Variants in CTBP2 observed in about 807,000 individuals in gnomAD.
CTBP2 encodes the protein C-terminal-binding protein 2.
Under a neutral mutation model 80.3 loss-of-function variants are expected in CTBP2, and 30 were observed. The ratio of observed to expected loss-of-function variants is 0.37; its 90% CI spans 0.28 to 0.51. The LOEUF is 0.51. Ranked by LOEUF, CTBP2 falls within the 20% of genes least tolerant of loss-of-function variation. The probability of loss-of-function intolerance (pLI) is 0.93; values close to 1 mark genes in which losing one functional copy is unlikely to be tolerated. For missense variants in CTBP2, 1,212 were observed against 1,375.3 expected, an observed-to-expected ratio of 0.88 and a Z score of 1.88; for synonymous variants, 594 against 587.4, an observed-to-expected ratio of 1.01 and a Z score of -0.16.
At chr10:125,049,427 C>T (rs999352825) in intron 2 of CTBP2, among the ~76,000 whole-genome samples, 1 of 152,214 alleles carries the variant, frequency 6.6e-6, no homozygotes, top group African/African-American at 2.4e-5. Flanking sequence ...GGGGAGCCCC[C>T]ACCTGAGCTC....
chr10:125,132,029 T>C (rs780403014), intron 1 of CTBP2, among the ~76,000 whole-genome samples: 5 of 152,172 alleles, frequency 3.3e-5, no homozygotes, highest in African/African-American at 1.2e-4. Context: ...GGAAGCATTA[T>C]AGCACTCTGG....
chr10:125,039,516 T>C (rs944740930), intron 2 of CTBP2, among the ~76,000 whole-genome samples: 23 of 152,246 alleles, frequency 1.5e-4, no homozygotes, highest in Non-Finnish European at 3.2e-4. Context: ...TGACAGCCAG[T>C]TGGACCTGCC....
At position 124,986,616 on chromosome 10, in the gene CTBP2, C is replaced by T. The variant is rs1415757071; in HGVS notation, c.*2902G>A. On this transcript the variant is annotated 3_prime_UTR_variant, in exon 9 of 9. Transcript: ENST00000309035. ...ATGAATCTTTGATATAATGTAAATG[C>T]TGCTGTTTGTTTCAAGTGGTGAATG... The T allele has an allele frequency of 6.6e-6, 1 of 152,076 alleles. No homozygotes were observed. The highest frequency in any genetic ancestry group is 1.5e-5 in the Non-Finnish European group (1 of 68,016). 9.4% of individuals were successfully genotyped at this position (152,076 alleles called of 1,614,324 possible). A position where few individuals can be genotyped will look rare whatever the true frequency, so the allele number is the denominator to read the frequency against.
chr10:125,132,400 A>C (rs539878559), intron 1 of CTBP2, among the ~76,000 whole-genome samples: 1 of 152,222 alleles, frequency 6.6e-6, no homozygotes, highest in Non-Finnish European at 1.5e-5. Context: ...AGTGTCTTCA[A>C]TGAAGTCTTC....
chr10:125,107,419 G>A (rs1187956394), intron 2 of CTBP2, among the ~76,000 whole-genome samples: 7 of 148,654 alleles, frequency 4.7e-5, no homozygotes, highest in Non-Finnish European at 1.0e-4. Flanking sequence ...GCCACACACT[G>A]GGACCAGAGT....
chr10:125,026,256 G>A lies in CTBP2; in HGVS notation c.1504C>T (p.Leu502=). ...TGGGGGCTGCCGTGAGGGCTGGGCA[G>A]CGGAGAGGCGGCCACGTTGCGCTCC... The change falls in exon 1 of 9, where the codon CTG becomes TTG. Residue 502 remains leucine, a synonymous_variant. Transcript: ENST00000309035. 3 of 1,613,872 alleles carry A rather than the reference G, an allele frequency of 1.9e-6. No individual in the cohort carries two copies. Among genetic ancestry groups the A allele is most frequent in the Non-Finnish European group, 2.5e-6 (3 of 1,179,942 alleles).
At chr10:125,021,067 C>A (rs1311673436) in intron 1 of CTBP2, among the ~76,000 whole-genome samples, 1 of 152,152 alleles carries the variant, frequency 6.6e-6, no homozygotes, top group Non-Finnish European at 1.5e-5. Flanking sequence ...GAAATCCACA[C>A]CCACGGGGTC....
chr10:125,008,986 C>A (rs894597164), intron 1 of CTBP2, among the ~76,000 whole-genome samples: 1 of 152,184 alleles, frequency 6.6e-6, no homozygotes, highest in African/African-American at 2.4e-5. Flanking sequence ...TCCCCTCTAC[C>A]TTTGCCTCTT....
intron 2 of CTBP2, among the ~76,000 whole-genome samples, chr10:125,081,689 T>A (rs879679493): frequency 5.3e-5 from 8 of 152,192 alleles, no homozygotes; most frequent in Non-Finnish European, 8.8e-5. Context: ...AAAATAGACA[T>A]GAATGGCCAC....
intron 8 of CTBP2, among the ~76,000 whole-genome samples, chr10:124,992,100 G>GT (rs1952721741): frequency 6.6e-6 from 1 of 151,528 alleles, no homozygotes; most frequent in African/African-American, 2.4e-5. Context: ...TGAGTTGACT[G>GT]TACCAGAATG....
At position 125,076,816 on chromosome 10, in the gene CTBP2, T is replaced by A. The variant is rs1846339517; in HGVS notation, c.-102+34174A>T. ...CGTTCCTTGTGCACTGTCTACGTAT[T>A]TCCCTATTTCATCCCTGGAGAGTTT... On this transcript the variant is annotated intron_variant, in intron 2 of 10. Transcript: ENST00000337195. Among the ~76,000 whole-genome samples the A allele has an allele frequency of 2.0e-5, 3 of 152,216 alleles. No homozygotes were observed. In the South Asian group the frequency reaches 6.2e-4, roughly 31 times the overall value.
At chr10:125,161,860 C>T (rs1316290911), upstream of CTBP2, among the ~76,000 whole-genome samples, 56 of 152,162 alleles carry the variant, frequency 3.7e-4, 1 homozygote, top group Non-Finnish European at 2.9e-5. Context: ...GCTTGCGCGG[C>T]GGCCCGGAGC....
rs116277672 is a variant in CTBP2, at chr10:125,067,068, C to G, written c.-101-27913G>C. Among the ~76,000 whole-genome samples, 1,354 of 152,280 alleles carry G rather than the reference C, an allele frequency of 8.9e-3. 21 individuals carry two copies. Among genetic ancestry groups the G allele is most frequent in the African/African-American group, 0.031 (1,288 of 41,550 alleles). On this transcript the variant is annotated intron_variant, in intron 2 of 10. Transcript: ENST00000337195. ...CGTCCACCTGCTATGTGGGGCGATT[C>G]ATTATTGGCCGGCAAAGGCTTACAC...
At chr10:125,063,368 GCC>G (rs1169763953) in intron 2 of CTBP2, among the ~76,000 whole-genome samples, 1 of 152,152 alleles carries the variant, frequency 6.6e-6, no homozygotes, top group Admixed American at 6.5e-5. Flanking sequence ...ACGTCATGAG[GCC>G]TGTGGCACCC....
At chr10:125,097,945 C>T (rs1849797272) in intron 2 of CTBP2, among the ~76,000 whole-genome samples, 1 of 152,140 alleles carries the variant, frequency 6.6e-6, no homozygotes, top group Non-Finnish European at 1.5e-5. Context: ...GCCTGGCCAA[C>T]ATGGTGAAAC....
chr10:125,127,036 T>C (rs778881171), intron 1 of CTBP2, among the ~76,000 whole-genome samples: 6 of 152,126 alleles, frequency 3.9e-5, no homozygotes, highest in African/African-American at 1.2e-4. Context: ...AAATGAGACA[T>C]AACTTTGTCC....
rs778173818 is a variant in CTBP2, at chr10:125,026,763, C to A, written c.997G>T (p.Ala333Ser). The change falls in exon 1 of 9, where the codon GCA becomes TCA. Residue 333 changes from alanine to serine, a missense_variant. Around this residue, in one of 3 missense-constraint regions of CTBP2, gnomAD observed 848 missense variants for 782.3 expected, o/e 1.08. Transcript: ENST00000309035. ...ACACGGGCCTGGCCCAGGTTGGGTG[C>A]GACAGACTTGATATCCGCGTCCTCC... The A allele has an allele frequency of 1.5e-5, 24 of 1,612,888 alleles. No homozygotes were observed. Among genetic ancestry groups the A allele is most frequent in the Non-Finnish European group, 1.9e-5 (22 of 1,179,944 alleles).
At chr10:125,025,638 G>A (rs967299973) in intron 1 of CTBP2, among the ~76,000 whole-genome samples, 9 of 152,118 alleles carry the variant, frequency 5.9e-5, no homozygotes, top group South Asian at 4.1e-4. Context: ...ACACGATCAC[G>A]CCCTTCTAAA....
At chr10:125,082,339 T>C (rs2135569047) in intron 2 of CTBP2, among the ~76,000 whole-genome samples, 1 of 152,364 alleles carries the variant, frequency 6.6e-6, no homozygotes, top group Non-Finnish European at 1.5e-5. Flanking sequence ...AATGGGCAGA[T>C]TCACCTTGGA....
Sources: gnomAD v4.1 joint callset for allele counts (sites outside exome capture counted in the v4.1 genomes callset) on GRCh38, gnomAD v4.1.1 for gene constraint, gnomAD v4.1.1 regional missense constraint, MANE v1.5 for transcripts, NCBI Gene and HGNC (gene_info 2026-07-23, HGNC 2026-07-21) for gene names.